Variants in PCDH15 observed in about 807,000 individuals in gnomAD.
The protein encoded by PCDH15 is protocadherin related 15.
PCDH15 carries 129 observed loss-of-function variants against 178.5 expected under a neutral mutation model. The ratio of observed to expected loss-of-function variants is 0.72; its 90% CI spans 0.63 to 0.84. The LOEUF (loss-of-function observed/expected upper bound fraction) is 0.84. Among genes scored for constraint, PCDH15 ranks in the 40% least tolerant of loss-of-function variants. PCDH15 has a pLI of 0.00. For synonymous variants in PCDH15, 800 were observed against 732.0 expected, an observed-to-expected ratio of 1.09 and a Z score of -1.50; for missense variants, 2,230 against 2,099.9, an observed-to-expected ratio of 1.06 and a Z score of -1.21.
chr10:54,119,461 T>A (rs1002033622), intron 15 of PCDH15, among the ~76,000 whole-genome samples: 6 of 152,074 alleles, frequency 3.9e-5, no homozygotes, highest in African/African-American at 9.7e-5. Flanking sequence ...AAGAATTTTT[T>A]AAAATGTACA....
chr10:54,755,347 T>C (rs12358378), intron 1 of PCDH15, among the ~76,000 whole-genome samples: 5,575 of 152,288 alleles, frequency 0.037, 153 homozygotes, highest in Non-Finnish European at 0.057. Flanking sequence ...CTTAAAAATA[T>C]AGCTTAGTAT....
chr10:54,242,076 C>G (rs2055364347), intron 8 of PCDH15, among the ~76,000 whole-genome samples: 1 of 135,808 alleles, frequency 7.4e-6, no homozygotes, highest in South Asian at 2.4e-4. Flanking sequence ...TTAATTATGC[C>G]TCATGAAACC....
At chr10:54,310,912 A>G (rs2060862751) in intron 8 of PCDH15, among the ~76,000 whole-genome samples, 1 of 152,098 alleles carries the variant, frequency 6.6e-6, no homozygotes, top group Admixed American at 6.6e-5. Flanking sequence ...TAAAAAAGCA[A>G]GAGAGGAGAG....
chr10:55,045,590 C>T (rs1840982966), intron 2 of PCDH15, among the ~76,000 whole-genome samples: 1 of 152,018 alleles, frequency 6.6e-6, no homozygotes. Flanking sequence ...TTTGAATTTA[C>T]TAAAGATAAC....
intron 3 of PCDH15, among the ~76,000 whole-genome samples, chr10:54,811,285 TA>T (rs923503443): frequency 2.6e-5 from 4 of 152,030 alleles, no homozygotes; most frequent in African/African-American, 9.7e-5. Flanking sequence ...TTATGGAGGA[TA>T]AAAAACACAT....
intron 2 of PCDH15, among the ~76,000 whole-genome samples, chr10:55,063,003 T>C (rs1042504554): frequency 2.0e-5 from 3 of 152,108 alleles, no homozygotes; most frequent in East Asian, 3.9e-4. Flanking sequence ...GAAATACATA[T>C]CATTTTGAAT....
chr10:54,752,492 C>CAAAAAA (rs1227186569), intron 1 of PCDH15, among the ~76,000 whole-genome samples: 1 of 67,784 alleles, frequency 1.5e-5, no homozygotes, highest in Non-Finnish European at 3.3e-5. Context: ...AAAAAAAAAA[C>CAAAAAA]AAAAAACAAA....
intron 2 of PCDH15, among the ~76,000 whole-genome samples, chr10:55,003,470 AT>A (rs1292329661): frequency 1.3e-5 from 2 of 151,918 alleles, no homozygotes; most frequent in African/African-American, 2.4e-5. Flanking sequence ...AGTCTAGAGA[AT>A]TTTTTTCTTT....
chr10:54,195,467 A>T (rs563526324), intron 11 of PCDH15, among the ~76,000 whole-genome samples: 47 of 152,324 alleles, frequency 3.1e-4, no homozygotes, highest in South Asian at 1.2e-3. Flanking sequence ...TCTTACATAT[A>T]CTGAATATCT....
chr10:55,472,819 C>T (rs966489160), intron 2 of PCDH15, among the ~76,000 whole-genome samples: 2 of 152,270 alleles, frequency 1.3e-5, no homozygotes, highest in African/African-American at 2.4e-5. Context: ...CCACCCGACT[C>T]GGCCTCCCAA....
chr10:55,152,777 G>A (rs1021597530), intron 2 of PCDH15, among the ~76,000 whole-genome samples: 2 of 152,058 alleles, frequency 1.3e-5, no homozygotes, highest in Admixed American at 6.6e-5. Flanking sequence ...ACTGCAGTTA[G>A]CAATTGAATA....
At chr10:55,319,652 C>T (rs900887335), upstream of PCDH15, 5 of 152,188 alleles carry the variant, frequency 3.3e-5, no homozygotes, top group Non-Finnish European at 5.9e-5. Context: ...TGGCTCCCAA[C>T]AACTCCTTGA....
chr10:55,207,361 C>G lies in PCDH15; in HGVS notation c.-155-40710G>C, dbSNP rs564409384. Among the ~76,000 whole-genome samples, 3 of 152,132 alleles carry G rather than the reference C, an allele frequency of 2.0e-5. No homozygotes were observed. In the South Asian group the frequency reaches 6.2e-4, roughly 32 times the overall value. ...TAAACCTCAAGAGTATTCCCTAAAC[C>G]TCAGAAGACTGAAGCGTATTTGCCT... is the stretch of plus-strand genomic sequence containing the variant. On this transcript the variant is annotated intron_variant, in intron 1 of 5. Coordinates refer to the PCDH15 transcript ENST00000458638.
At chr10:54,996,607 C>T (rs956543676) in intron 2 of PCDH15, among the ~76,000 whole-genome samples, 2 of 152,132 alleles carry the variant, frequency 1.3e-5, no homozygotes, top group African/African-American at 4.8e-5. Context: ...GTGTCTATCT[C>T]ATCTGATCTT....
At chr10:53,829,008 A>G (rs2076869458) in intron 30 of PCDH15, among the ~76,000 whole-genome samples, 1 of 152,168 alleles carries the variant, frequency 6.6e-6, no homozygotes, top group African/African-American at 2.4e-5. Context: ...TGAAGCTACA[A>G]TTGGAAGGTC....
chr10:54,636,576 C>T (rs916553371), intron 2 of PCDH15, among the ~76,000 whole-genome samples: 1 of 151,916 alleles, frequency 6.6e-6, no homozygotes, highest in Non-Finnish European at 1.5e-5. Context: ...CTAGAAGCCA[C>T]ATATAATAGC....
intron 2 of PCDH15, among the ~76,000 whole-genome samples, chr10:54,633,782 C>A (rs957463788): frequency 6.6e-6 from 1 of 152,102 alleles, no homozygotes; most frequent in Admixed American, 6.6e-5. Flanking sequence ...CAACCCAATG[C>A]TAATGAATGT....
chr10:53,908,921 CACAA>C (rs1379669639), intron 25 of PCDH15, among the ~76,000 whole-genome samples: 1 of 152,160 alleles, frequency 6.6e-6, no homozygotes, highest in African/African-American at 2.4e-5. Context: ...TTTAAAAACA[CACAA>C]ACAATTTTTT....
At chr10:55,277,816 T>A (rs1430671786) in intron 1 of PCDH15, among the ~76,000 whole-genome samples, 6 of 152,104 alleles carry the variant, frequency 3.9e-5, no homozygotes, top group Non-Finnish European at 2.9e-5. Flanking sequence ...TATAAGTGTT[T>A]GAGACTCCGC....
Sources: allele counts gnomAD v4.1 joint callset (sites outside exome capture counted in the v4.1 genomes callset), GRCh38; gene constraint gnomAD v4.1.1; transcripts MANE v1.5; gene names NCBI Gene and HGNC (gene_info 2026-07-23, HGNC 2026-07-21).